Variants in WHRN observed in about 807,000 individuals in gnomAD.
The protein encoded by WHRN is CASK-interacting protein CIP98.
In WHRN, 41 loss-of-function variants were observed where a neutral mutation model predicts 68.3. The observed-to-expected ratio is 0.60, with a 90% CI of 0.47 to 0.78. The LOEUF is 0.78. Among genes scored for constraint, WHRN ranks in the 30% least tolerant of loss-of-function variants. WHRN has a pLI of 0.00. For synonymous variants in WHRN, 560 were observed against 561.3 expected (o/e 1.00, Z 0.03); for missense variants, 1,243 against 1,244.7 (o/e 1.00, Z 0.02).
intron 10 of WHRN, 47 bp downstream of exon 10, chr9:114,403,849 G>A: frequency 6.2e-7 from 1 of 1,603,900 alleles, no homozygotes. Flanking sequence ...CTGTGCCTGG[G>A]GCCCGTGTTC....
In WHRN at chr9:114,423,257, C is replaced by T. The variant is rs943137150; in HGVS notation, c.1626+57G>A. 8 of 1,583,798 alleles carry T rather than the reference C, an allele frequency of 5.1e-6. No individual in the cohort carries two copies. The Admixed American group carries it at 1.2e-4, about 23-fold the overall frequency. Reference sequence around the variant, plus strand: ...AACTCAGGCTGGTCTCACTCCAAAGCCAGCATCTTAACTCTGCCCTGGCTA... The same window carrying T: ...AACTCAGGCTGGTCTCACTCCAAAGTCAGCATCTTAACTCTGCCCTGGCTA... On this transcript the variant is annotated intron_variant, in intron 7 of 11. Coordinates refer to ENST00000362057, the MANE Select transcript of WHRN (RefSeq NM_015404.4).
intron 7 of WHRN, among the ~76,000 whole-genome samples, chr9:114,418,089 G>A (rs898393234): frequency 1.3e-5 from 2 of 152,188 alleles, no homozygotes; most frequent in Non-Finnish European, 2.9e-5. Context: ...ACGTGGAGGA[G>A]GTTTGTCCTG....
intron 5 of WHRN, 109 bp downstream of exon 5, chr9:114,424,879 C>T (rs1051973666): frequency 2.4e-6 from 3 of 1,237,386 alleles, no homozygotes; most frequent in Non-Finnish European, 3.5e-6. Context: ...TAAGGGGCTG[C>T]CCAGTTGGAA....
chr9:114,423,259 A>T, intron 7 of WHRN, 55 bp downstream of exon 7: 1 of 1,585,948 alleles, frequency 6.3e-7, no homozygotes, highest in Admixed American at 1.7e-5. Context: ...CTCCAAAGCC[A>T]GCATCTTAAC....
chr9:114,504,365 G>T lies in WHRN; in HGVS notation c.437C>A (p.Ala146Asp). 1 of 1,607,178 alleles carries T rather than the reference G, an allele frequency of 6.2e-7. No homozygotes were observed. The highest frequency in any genetic ancestry group is 1.1e-5 in the South Asian group (1 of 91,078). ...GEVRLVSLRR[A>D]KAHEGLGFSI... ...GAAGCCCAAGCCCTCGTGGGCCTTG[G>T]CACGCCGCAAACTCACCAGGCGCAC... Residue 146 changes from alanine (A) to aspartate (D), a missense_variant, in exon 1 of 12, where the codon GCC becomes GAC. Coordinates refer to ENST00000362057, the MANE Select transcript of WHRN (RefSeq NM_015404.4).
At chr9:114,481,900 G>A (rs1351091844) in intron 1 of WHRN, among the ~76,000 whole-genome samples, 2 of 152,196 alleles carry the variant, frequency 1.3e-5, no homozygotes, top group Non-Finnish European at 2.9e-5. Flanking sequence ...CACACAGTAG[G>A]TCCTCATGAC....
At chr9:114,485,110 T>C (rs576579406) in intron 1 of WHRN, among the ~76,000 whole-genome samples, 2 of 152,314 alleles carry the variant, frequency 1.3e-5, no homozygotes, top group South Asian at 4.1e-4. Flanking sequence ...CAAGGACACG[T>C]AATGATGAGT....
Position 114,402,476 on chromosome 9 carries a change from G to A in WHRN, c.*278C>T. ...CCCAACCTGGAGAAACCAGCACTCT[G>A]CCCTTCCTTTTCCTTTCTTCCTGTC... On this transcript the variant is annotated 3_prime_UTR_variant, in exon 12 of 12. Transcript: ENST00000362057. 1 of 503,110 alleles carries A rather than the reference G, an allele frequency of 2.0e-6. No individual in the cohort carries two copies. The highest frequency in any genetic ancestry group is 1.9e-5 in the African/African-American group (1 of 51,898). The allele number at this position is 503,110 out of a possible 1,614,324, so 31.2% of individuals were successfully genotyped here. A position where few individuals can be genotyped will look rare whatever the true frequency, so the allele number is the denominator to read the frequency against.
At chr9:114,489,671 G>A (rs1460959861) in intron 1 of WHRN, among the ~76,000 whole-genome samples, 1 of 152,214 alleles carries the variant, frequency 6.6e-6, no homozygotes, top group African/African-American at 2.4e-5. Context: ...GATATGTAAA[G>A]TTTAAAGCGG....
At chr9:114,440,073 T>C (rs1360778356) in intron 3 of WHRN, among the ~76,000 whole-genome samples, 1 of 152,170 alleles carries the variant, frequency 6.6e-6, no homozygotes, top group African/African-American at 2.4e-5. Flanking sequence ...CCAACATGCC[T>C]AGCTAATTTT....
intron 3 of WHRN, among the ~76,000 whole-genome samples, chr9:114,458,564 G>C (rs961888452): frequency 2.0e-5 from 3 of 152,188 alleles, no homozygotes; most frequent in Non-Finnish European, 4.4e-5. Context: ...GCGGGGCTTG[G>C]AGAGAGCTGT....
intron 4 of WHRN, 125 bp downstream of exon 4, chr9:114,426,086 G>A: frequency 8.1e-7 from 1 of 1,233,356 alleles, no homozygotes; most frequent in South Asian, 1.3e-5. Flanking sequence ...GCCAATGGAG[G>A]GCCCTGGTGT....
chr9:114,486,430 G>C (rs1382818154), intron 1 of WHRN, among the ~76,000 whole-genome samples: 1 of 152,162 alleles, frequency 6.6e-6, no homozygotes, highest in Non-Finnish European at 1.5e-5. Flanking sequence ...TACAAGACAA[G>C]TTCCTTGAGG....
chr9:114,466,620 A>G (rs1344901391), intron 2 of WHRN, among the ~76,000 whole-genome samples: 1 of 152,172 alleles, frequency 6.6e-6, no homozygotes, highest in African/African-American at 2.4e-5. Context: ...TCTTGGTCAC[A>G]GCTGCAAGTG....
chr9:114,482,989 G>A (rs1004447945), intron 1 of WHRN, among the ~76,000 whole-genome samples: 4 of 152,170 alleles, frequency 2.6e-5, no homozygotes, highest in Admixed American at 6.5e-5. Context: ...AGCCCAGGAC[G>A]CAGGAGGCCA....
intron 3 of WHRN, among the ~76,000 whole-genome samples, chr9:114,426,706 G>A (rs961421055): frequency 1.3e-5 from 2 of 152,206 alleles, no homozygotes; most frequent in Admixed American, 6.5e-5. Flanking sequence ...CCCTTATCTA[G>A]AAACAACAGT....
intron 1 of WHRN, among the ~76,000 whole-genome samples, chr9:114,486,980 TATATA>T (rs1344387924): frequency 1.2e-3 from 4 of 3,232 alleles, no homozygotes; most frequent in African/African-American, 1.6e-3. Context: ...TATATATATA[TATATA>T]TATATATATA....
intron 3 of WHRN, among the ~76,000 whole-genome samples, chr9:114,462,777 T>C (rs1196480870): frequency 6.6e-6 from 1 of 152,168 alleles, no homozygotes; most frequent in Non-Finnish European, 1.5e-5. Context: ...CGTCTATAAA[T>C]TGGCGAGAAG....
At position 114,504,854 on chromosome 9, in the gene WHRN, G is replaced by A; in HGVS notation, c.-53C>T. 18 of 1,349,230 alleles carry A rather than the reference G, an allele frequency of 1.3e-5. 1 individual carries two copies. The South Asian group carries it at 3.1e-4, about 23-fold the overall frequency. 83.6% of individuals were successfully genotyped at this position (1,349,230 alleles called of 1,614,324 possible). A position where few individuals can be genotyped will look rare whatever the true frequency, so the allele number is the denominator to read the frequency against. On this transcript the variant is annotated 5_prime_UTR_variant, in exon 1 of 12. Coordinates refer to ENST00000362057, the MANE Select transcript of WHRN (RefSeq NM_015404.4). The stretch of plus-strand genomic sequence containing the variant: ...GAGCGCGCGGGGTGTGGGCGGTGCC[G>A]CTGTCCTCGCGGGTACTGGCGCGAC...
Sources: gnomAD v4.1 joint callset for allele counts (sites outside exome capture counted in the v4.1 genomes callset) on GRCh38, gnomAD v4.1.1 for gene constraint, MANE v1.5 for transcripts, NCBI Gene and HGNC (gene_info 2026-07-23, HGNC 2026-07-21) for gene names.